ARF1: variants seen among roughly 807,000 people sequenced by gnomAD.
ARF1 encodes ADP-ribosylation factor 1.
In ARF1, 1 loss-of-function variant was observed where a neutral mutation model predicts 18.0. That is an observed-to-expected ratio of 0.06 (90% confidence interval 0.02 to 0.26). The LOEUF (loss-of-function observed/expected upper bound fraction) is 0.26, where lower values mean the gene tolerates loss of function less well. Among genes scored for constraint, ARF1 ranks in the 10% least tolerant of loss-of-function variants. The pLI is 1.00. For synonymous variants in ARF1, 112 were observed against 96.3 expected (o/e 1.16, Z -0.95); for missense variants, 73 against 247.2 (o/e 0.30, Z 4.73).
chr1:228,092,798 C>A (rs1190657320), intron 1 of ARF1, among the ~76,000 whole-genome samples: 1 of 152,182 alleles, frequency 6.6e-6, no homozygotes, highest in Non-Finnish European at 1.5e-5. Context: ...ACCCCATGTG[C>A]ATCTGGACCA....
At chr1:228,090,638 AC>A (rs1209289244) in intron 1 of ARF1, 1 of 152,110 alleles carries the variant, frequency 6.6e-6, no homozygotes, top group African/African-American at 2.4e-5. Context: ...GGCCAACTGC[AC>A]CCTGCCTGCC....
rs965912831 is a variant in ARF1 at position 228,097,003 on chromosome 1, T to C, written c.-37-75T>C. 13 of 1,370,468 alleles carry C rather than the reference T, an allele frequency of 9.5e-6. No individual in the cohort carries two copies. Among genetic ancestry groups the C allele is most frequent in the Non-Finnish European group, 1.2e-5 (12 of 1,010,940 alleles). The allele number at this position is 1,370,468 out of a possible 1,614,324, so 84.9% of individuals were successfully genotyped here. A position where few individuals can be genotyped will look rare whatever the true frequency, so the allele number is the denominator to read the frequency against. On this transcript the variant is annotated intron_variant, in intron 1 of 4. Coordinates refer to ENST00000272102, the MANE Select transcript of ARF1 (RefSeq NM_001658.4). This position sits in a 1 kb window ranked among gnomAD's most constrained non-coding sequence, Gnocchi z 8.1. ...GGAGGTGGGGTGAGGCAGTGGTGCATCCCTGGGTGGGTGGGTTCTGAGCAA... is the reference window on the plus strand; with the variant it reads ...GGAGGTGGGGTGAGGCAGTGGTGCACCCCTGGGTGGGTGGGTTCTGAGCAA...
At position 228,097,545 on chromosome 1, in the gene ARF1, A is replaced by AG; in HGVS notation, c.260-40dup. On this transcript the variant is annotated intron_variant, in intron 3 of 4. Transcript: ENST00000272102. The surrounding 1 kb of genome is among the most constrained non-coding windows in gnomAD (Gnocchi z 8.1). Reference sequence around the variant, plus strand: ...GGGCATCGATGCCCATAGATGCGGCAGGGGGGCTGTGTTCCCATGACCATT... The same window carrying AG: ...GGGCATCGATGCCCATAGATGCGGCAGGGGGGGCTGTGTTCCCATGACCATT... 4 of 1,613,830 alleles carry AG rather than the reference A, an allele frequency of 2.5e-6. No homozygotes were observed. Among genetic ancestry groups the AG allele is most frequent in the East Asian group, 2.2e-5 (1 of 44,862 alleles).
intron 1 of ARF1, chr1:228,088,340 A>T (rs2032472016): frequency 6.6e-6 from 1 of 152,182 alleles, no homozygotes; most frequent in African/African-American, 2.4e-5. Flanking sequence ...CTGGGTGGGA[A>T]GCCTGCTGGG....
chr1:228,095,483 C>T (rs1338216003), intron 1 of ARF1, among the ~76,000 whole-genome samples: 1 of 152,148 alleles, frequency 6.6e-6, no homozygotes, highest in East Asian at 1.9e-4. Context: ...GCTTTGAACC[C>T]GACCCAACAC....
chr1:228,092,834 C>G (rs567022491), intron 1 of ARF1, among the ~76,000 whole-genome samples: 1 of 152,154 alleles, frequency 6.6e-6, no homozygotes, highest in Non-Finnish European at 1.5e-5. Context: ...TTCATGGACA[C>G]AAAACGGATG....
At position 228,090,082 on chromosome 1, in the gene ARF1, A is replaced by G. The variant is rs567980068; in HGVS notation, c.-37-6996A>G. Among the ~76,000 whole-genome samples the G allele has an allele frequency of 2.8e-4, 43 of 152,338 alleles. 1 individual carries two copies. The highest frequency in any genetic ancestry group is 8.8e-5 in the Non-Finnish European group (6 of 68,024). On this transcript the variant is annotated intron_variant, in intron 1 of 4. Transcript: ENST00000272102. Reference sequence around the variant, plus strand: ...CTCCATGTGAGGTACAGGGGAACGCACTGCTAGCAGATGGTTGGGATGTGG... The same window carrying G: ...CTCCATGTGAGGTACAGGGGAACGCGCTGCTAGCAGATGGTTGGGATGTGG...
rs779199839 is a variant in ARF1 at position 228,097,576 on chromosome 1, C to T, written c.260-15C>T. 6.2e-7 allele frequency: 1 copy of T among 1,614,054 alleles called. No homozygotes were observed. The highest frequency in any genetic ancestry group is 1.1e-5 in the South Asian group (1 of 91,032). On this transcript the variant is annotated splice_polypyrimidine_tract_variant and intron_variant, in intron 3 of 4. Transcript: ENST00000272102. This position sits in a 1 kb window ranked among gnomAD's most constrained non-coding sequence, Gnocchi z 8.1. Reference sequence around the variant, plus strand: ...GCTGTGTTCCCATGACCATTTGACACTGGCTGCCCGGCAGGCCTGATCTTC... The same window carrying T: ...GCTGTGTTCCCATGACCATTTGACATTGGCTGCCCGGCAGGCCTGATCTTC...
intron 1 of ARF1, among the ~76,000 whole-genome samples, chr1:228,091,434 C>A (rs944066280): frequency 3.9e-5 from 6 of 152,132 alleles, no homozygotes; most frequent in Non-Finnish European, 8.8e-5. Flanking sequence ...CTAAAAACAT[C>A]CTGAAACTTG....
chr1:228,086,206 A>C (rs1376874871), intron 1 of ARF1, among the ~76,000 whole-genome samples: 1 of 152,230 alleles, frequency 6.6e-6, no homozygotes, highest in Non-Finnish European at 1.5e-5. Context: ...ACTGAACCAC[A>C]CTTAAGTACA....
chr1:228,090,086 C>CT (rs1206763451), intron 1 of ARF1, among the ~76,000 whole-genome samples: 1 of 152,256 alleles, frequency 6.6e-6, no homozygotes, highest in Non-Finnish European at 1.5e-5. Flanking sequence ...GAACGCACTG[C>CT]TAGCAGATGG....
chr1:228,096,235 G>C (rs2032741463), intron 1 of ARF1, among the ~76,000 whole-genome samples: 1 of 152,252 alleles, frequency 6.6e-6, no homozygotes, highest in African/African-American at 2.4e-5. Flanking sequence ...CTGATGAGGG[G>C]TGGGTGTGCT....
intron 1 of ARF1, among the ~76,000 whole-genome samples, chr1:228,085,354 AC>A (rs2032360279): frequency 6.6e-6 from 1 of 152,204 alleles, no homozygotes; most frequent in Admixed American, 6.5e-5. Context: ...CAGCTGCCGC[AC>A]CGTCCAGATA....
At position 228,083,148 on chromosome 1, in the gene ARF1, CCGCCCG is replaced by C. The variant is rs1272717802; in HGVS notation, c.-38+387_-38+392del. ...CCTCTGCCTTTCTCGTTTCCCGAGG[CCGCCCG>C]CGCGTGGACGGTTGGGATTAGCGGC... is the stretch of plus-strand genomic sequence containing the variant. On this transcript the variant is annotated intron_variant, in intron 1 of 4. Coordinates refer to ENST00000272102, the MANE Select transcript of ARF1 (RefSeq NM_001658.4). 5.9e-5 allele frequency: 9 copies of C among 152,240 alleles called. 1 individual carries two copies. Among genetic ancestry groups the C allele is most frequent in the African/African-American group, 2.2e-4 (9 of 41,442 alleles). 9.4% of individuals were successfully genotyped at this position (152,240 alleles called of 1,614,324 possible). A position where few individuals can be genotyped will look rare whatever the true frequency, so the allele number is the denominator to read the frequency against.
intron 1 of ARF1, among the ~76,000 whole-genome samples, chr1:228,092,582 GTC>G (rs1429683954): frequency 3.3e-5 from 5 of 152,214 alleles, no homozygotes; most frequent in Non-Finnish European, 5.9e-5. Context: ...GGTTGGAGGT[GTC>G]TCTGTCTTTC....
intron 1 of ARF1, among the ~76,000 whole-genome samples, chr1:228,091,520 G>T (rs2032576225): frequency 6.6e-6 from 1 of 152,186 alleles, no homozygotes; most frequent in South Asian, 2.1e-4. Flanking sequence ...GAATGTGTGT[G>T]CCATCCTTTT....
intron 1 of ARF1, among the ~76,000 whole-genome samples, chr1:228,085,657 T>C (rs998464929): frequency 6.6e-6 from 1 of 152,154 alleles, no homozygotes; most frequent in African/African-American, 2.4e-5. Context: ...GAAGCCTAAA[T>C]GACAAGAGAA....
At chr1:228,090,194 G>T (rs2032534207) in intron 1 of ARF1, among the ~76,000 whole-genome samples, 1 of 152,202 alleles carries the variant, frequency 6.6e-6, no homozygotes, top group Non-Finnish European at 1.5e-5. Flanking sequence ...GAAGCACAAG[G>T]GCCCAGGCCC....
Position 228,098,110 on chromosome 1 carries a change from G to GGCATC in ARF1, c.*98_*99insCATCG, listed in dbSNP as rs1293895379. On this transcript the variant is annotated 3_prime_UTR_variant, in exon 5 of 5. Transcript: ENST00000272102. Reference sequence around the variant, plus strand: ...TGTGAGTGCCAGAAGCTGCCTCCGTGGTTTGGTCACCGTGTGCATCGCACC... The same window carrying GGCATC: ...TGTGAGTGCCAGAAGCTGCCTCCGTGGCATCGTTTGGTCACCGTGTGCATCGCACC... 4.1e-6 allele frequency: 6 copies of GGCATC among 1,469,466 alleles called. No individual in the cohort carries two copies. Among genetic ancestry groups the GGCATC allele is most frequent in the Non-Finnish European group, 5.5e-6 (6 of 1,090,156 alleles). 91.0% of individuals were successfully genotyped at this position (1,469,466 alleles called of 1,614,324 possible).
Sources: gnomAD v4.1 joint callset for allele counts (sites outside exome capture counted in the v4.1 genomes callset) on GRCh38, gnomAD v4.1.1 for gene constraint, Gnocchi (gnomAD v3.1) non-coding constraint, MANE v1.5 for transcripts, NCBI Gene and HGNC (gene_info 2026-07-23, HGNC 2026-07-21) for gene names.